SEPHS1: variants seen among roughly 807,000 people sequenced by gnomAD.
The protein encoded by SEPHS1 is zincore component SEPHS1.
Under a neutral mutation model 39.2 loss-of-function variants are expected in SEPHS1, and 7 were observed. The observed-to-expected ratio is 0.18, with a 90% CI of 0.10 to 0.34. The LOEUF is 0.34. Among genes scored for constraint, SEPHS1 ranks in the 10% least tolerant of loss-of-function variants. The pLI, the probability that SEPHS1 is intolerant of heterozygous loss-of-function variation, is 1.00. For missense variants in SEPHS1, 253 were observed against 514.5 expected (o/e 0.49, Z 4.92); for synonymous variants, 190 against 195.5 (o/e 0.97, Z 0.23).
chr10:13,348,136 G>GGT lies in SEPHS1; in HGVS notation c.-216_-215insAC, dbSNP rs1833992931. ...CCCGGCGGCGGCGGCGGCGGCGGGG[G>GGT]CCCGGGCCCGCGCCTGGGCGCCGCG... On this transcript the variant is annotated 5_prime_UTR_variant, in exon 1 of 9. Transcript: ENST00000327347. 2 of 144,994 alleles carry GGT rather than the reference G, an allele frequency of 1.4e-5. No individual in the cohort carries two copies. Among genetic ancestry groups the GGT allele is most frequent in the Non-Finnish European group, 1.5e-5 (1 of 65,366 alleles). 9.0% of individuals were successfully genotyped at this position (144,994 alleles called of 1,614,324 possible). A position where few individuals can be genotyped will look rare whatever the true frequency, so the allele number is the denominator to read the frequency against.
intron 1 of SEPHS1, among the ~76,000 whole-genome samples, chr10:13,347,664 GGCCGCC>G (rs767115383): frequency 8.2e-5 from 12 of 146,120 alleles, no homozygotes; most frequent in African/African-American, 2.7e-4. Context: ...CGCGCGCACG[GGCCGCC>G]GCCGCCGCCG....
At chr10:13,344,156 T>C (rs1466673290) in intron 2 of SEPHS1, among the ~76,000 whole-genome samples, 1 of 152,126 alleles carries the variant, frequency 6.6e-6, no homozygotes, top group Non-Finnish European at 1.5e-5. Flanking sequence ...CGATGCACCC[T>C]GCAGAGAACC....
intron 7 of SEPHS1, among the ~76,000 whole-genome samples, chr10:13,327,398 A>G (rs188357330): frequency 3.9e-4 from 60 of 152,296 alleles, no homozygotes; most frequent in African/African-American, 1.3e-3. Context: ...AACAATAGTA[A>G]ATCACCAGCC....
chr10:13,341,034 A>T (rs1031071029), intron 2 of SEPHS1, among the ~76,000 whole-genome samples: 6 of 152,268 alleles, frequency 3.9e-5, no homozygotes, highest in Non-Finnish European at 7.3e-5. Flanking sequence ...AAAATAGATT[A>T]TAATTAATTC....
chr10:13,330,198 G>GT (rs1356667814), intron 5 of SEPHS1, among the ~76,000 whole-genome samples: 3 of 152,166 alleles, frequency 2.0e-5, no homozygotes, highest in African/African-American at 2.4e-5. Context: ...ACATACGAGT[G>GT]TATGTGTAAT....
In SEPHS1 at chr10:13,317,862, G is replaced by C. The variant is rs1832990078; in HGVS notation, c.*1280C>G. The C allele has an allele frequency of 6.6e-6, 1 of 152,068 alleles. No homozygotes were observed. Among genetic ancestry groups the C allele is most frequent in the South Asian group, 2.1e-4 (1 of 4,820 alleles). The allele number at this position is 152,068 out of a possible 1,614,324, so 9.4% of individuals were successfully genotyped here. The stretch of plus-strand genomic sequence containing the variant: ...CATTGCTTAGTAGGTTAAAATATAA[G>C]GAAGCCTCCACTTTACATAACACAG... On this transcript the variant is annotated 3_prime_UTR_variant, in exon 9 of 9. Transcript: ENST00000327347.
At chr10:13,321,253 CT>C (rs35387458) in intron 8 of SEPHS1, among the ~76,000 whole-genome samples, 14 of 148,674 alleles carry the variant, frequency 9.4e-5, no homozygotes, top group East Asian at 2.0e-4. Flanking sequence ...GTGTATTTTT[CT>C]TTTTTTTTTT....
intron 7 of SEPHS1, among the ~76,000 whole-genome samples, chr10:13,325,333 C>A (rs1466652404): frequency 1.3e-5 from 2 of 152,160 alleles, no homozygotes; most frequent in African/African-American, 4.8e-5. Flanking sequence ...TGTGTCCCCA[C>A]CTAAATCTCA....
chr10:13,318,913 A>G lies in SEPHS1; in HGVS notation c.*229T>C, dbSNP rs1251868878. The G allele has an allele frequency of 7.5e-6, 4 of 531,446 alleles. No homozygotes were observed. The highest frequency in any genetic ancestry group is 7.2e-5 in the South Asian group (3 of 41,872). 32.9% of individuals were successfully genotyped at this position (531,446 alleles called of 1,614,324 possible). A position where few individuals can be genotyped will look rare whatever the true frequency, so the allele number is the denominator to read the frequency against. The stretch of plus-strand genomic sequence containing the variant: ...TGAATCAACAGTATTGGATAACAAT[A>G]TAATTCTCAACTCAGAAGCTGCCTC... On this transcript the variant is annotated 3_prime_UTR_variant, in exon 9 of 9. Coordinates refer to ENST00000327347, the MANE Select transcript of SEPHS1 (RefSeq NM_012247.5).
At position 13,333,678 on chromosome 10, in the gene SEPHS1, T is replaced by C. The variant is rs1276108700; in HGVS notation, c.560+139A>G. ...CTGGTCTCAAACTCCTGACCTCAGG[T>C]GATCTGCCCGCCTCGGCCTACCAAA... On this transcript the variant is annotated intron_variant, in intron 5 of 8. Coordinates refer to ENST00000327347, the MANE Select transcript of SEPHS1 (RefSeq NM_012247.5). 5 of 779,490 alleles carry C rather than the reference T, an allele frequency of 6.4e-6. No individual in the cohort carries two copies. In the East Asian group the frequency reaches 1.4e-4, roughly 22 times the overall value. The allele number at this position is 779,490 out of a possible 1,614,324, so 48.3% of individuals were successfully genotyped here.
chr10:13,323,054 G>A lies in SEPHS1; in HGVS notation c.752-7C>T. 6.2e-7 allele frequency: 1 copy of A among 1,613,392 alleles called. No individual in the cohort carries two copies. The highest frequency in any genetic ancestry group is 8.5e-7 in the Non-Finnish European group (1 of 1,179,566). ...GTGTGCATGAGTCCTGCAGCTGGGA[G>A]AGAGAGGGGGCGGCTCTGAGAAAAA... On this transcript the variant is annotated splice_polypyrimidine_tract_variant and splice_region_variant and intron_variant, in intron 7 of 8. Coordinates refer to ENST00000327347, the MANE Select transcript of SEPHS1 (RefSeq NM_012247.5).
At chr10:13,337,403 C>A (rs3802580) in intron 3 of SEPHS1, among the ~76,000 whole-genome samples, 5,324 of 152,148 alleles carry the variant, frequency 0.035, 134 homozygotes, top group East Asian at 0.082. Flanking sequence ...TTAAGTTGCC[C>A]TTATCTAAAT....
At chr10:13,331,589 G>C (rs937668409) in intron 5 of SEPHS1, among the ~76,000 whole-genome samples, 1 of 152,116 alleles carries the variant, frequency 6.6e-6, no homozygotes, top group Admixed American at 6.5e-5. Flanking sequence ...CACCATGTTG[G>C]CCAGGGTGGT....
rs372833912 is a variant in SEPHS1 at position 13,322,998 on chromosome 10, C to T, written c.801G>A (p.Thr267=). 14 of 1,614,042 alleles carry T rather than the reference C, an allele frequency of 8.7e-6. No individual in the cohort carries two copies. Among genetic ancestry groups the T allele is most frequent in the South Asian group, 3.3e-5 (3 of 91,074 alleles). The stretch of plus-strand genomic sequence containing the variant: ...GCGCATGGCCCAAAATCCCGAAGCC[C>T]GTGATGTCAGTGGCGGCGTGGGCAT... The part of the protein sequence containing the change: ...TFNAHAATDI[T]GFGILGHAQN... Residue 267 remains threonine, a synonymous_variant, in exon 8 of 9, where the codon ACG becomes ACA. Coordinates refer to ENST00000327347, the MANE Select transcript of SEPHS1 (RefSeq NM_012247.5).
chr10:13,325,827 G>A (rs1246396813), intron 7 of SEPHS1, among the ~76,000 whole-genome samples: 2 of 144,050 alleles, frequency 1.4e-5, no homozygotes, highest in African/African-American at 5.1e-5. Flanking sequence ...GAACCTGAGA[G>A]GCACAGGTTG....
intron 3 of SEPHS1, among the ~76,000 whole-genome samples, chr10:13,336,823 T>A (rs1564450532): frequency 6.6e-6 from 1 of 152,276 alleles, no homozygotes; most frequent in East Asian, 1.9e-4. Flanking sequence ...GTTATAGAGA[T>A]GGAGATAGTC....
intron 2 of SEPHS1, among the ~76,000 whole-genome samples, chr10:13,344,508 C>G (rs1357800075): frequency 6.6e-6 from 1 of 151,866 alleles, no homozygotes; most frequent in African/African-American, 2.4e-5. Context: ...CTCTTCTAAT[C>G]CTTCCCACAA....
rs753814691 is a variant in SEPHS1 at position 13,329,690 on chromosome 10, T to A, written c.651+8A>T. 3 of 1,594,346 alleles carry A rather than the reference T, an allele frequency of 1.9e-6. No individual in the cohort carries two copies. Among genetic ancestry groups the A allele is most frequent in the Non-Finnish European group, 2.6e-6 (3 of 1,169,682 alleles). The stretch of plus-strand genomic sequence containing the variant: ...CCCTCCCTCCCATCACAGCAGTGGT[T>A]TACTCACGATATCCAGCCACTGGTG... On this transcript the variant is annotated splice_region_variant and intron_variant, in intron 6 of 8. Coordinates refer to ENST00000327347, the MANE Select transcript of SEPHS1 (RefSeq NM_012247.5).
In SEPHS1 at chr10:13,318,684, A is replaced by G. The variant is rs1489471314; in HGVS notation, c.*458T>C. 5.8e-6 allele frequency: 1 copy of G among 173,278 alleles called. No individual in the cohort carries two copies. Among genetic ancestry groups the G allele is most frequent in the African/African-American group, 2.4e-5 (1 of 41,532 alleles). The allele number at this position is 173,278 out of a possible 1,614,324, so 10.7% of individuals were successfully genotyped here. The stretch of plus-strand genomic sequence containing the variant: ...ATCATGCAACCCTCTTATGACTGGG[A>G]TACCGTCATGTGCCACTTACCAATG... On this transcript the variant is annotated 3_prime_UTR_variant, in exon 9 of 9. Transcript: ENST00000327347.
Sources: gnomAD v4.1 joint callset for allele counts (sites outside exome capture counted in the v4.1 genomes callset) on GRCh38, gnomAD v4.1.1 for gene constraint, MANE v1.5 for transcripts, NCBI Gene and HGNC (gene_info 2026-07-23, HGNC 2026-07-21) for gene names.